EIF3A: variants seen among roughly 807,000 people sequenced by gnomAD.
EIF3A encodes the protein eukaryotic translation initiation factor 3 subunit A.
A neutral mutation model predicts 186.6 loss-of-function variants in EIF3A; 21 were observed. That is an observed-to-expected ratio of 0.11 (90% CI 0.08 to 0.16). EIF3A has a LOEUF of 0.16. Among genes scored for constraint, EIF3A ranks in the 10% least tolerant of loss-of-function variants. The pLI, the probability that EIF3A is intolerant of heterozygous loss-of-function variation, is 1.00. For missense variants in EIF3A, 1,306 were observed against 1,796.3 expected, an observed-to-expected ratio of 0.73 and a Z score of 4.93; for synonymous variants, 563 against 584.3, an observed-to-expected ratio of 0.96 and a Z score of 0.52.
At chr10:119,052,129 G>C (rs536202435) in intron 14 of EIF3A, among the ~76,000 whole-genome samples, 1 of 152,292 alleles carries the variant, frequency 6.6e-6, no homozygotes, top group Admixed American at 6.5e-5. Context: ...TTTAACTCAA[G>C]AGTAGAATTT....
At position 119,070,894 on chromosome 10, in the gene EIF3A, A is replaced by G; in HGVS notation, c.733T>C (p.Leu245=). 2 of 1,612,220 alleles carry G rather than the reference A, an allele frequency of 1.2e-6. No homozygotes were observed. The highest frequency in any genetic ancestry group is 1.7e-6 in the Non-Finnish European group (2 of 1,178,222). The part of the protein sequence containing the change: ...VQLDSAISME[L]WQEAFKAVED... Reference sequence around the variant, plus strand: ...TAATAGCTCCAACATACCTGCCACAATTCCATGCTGATAGCACTGTCCAGC... The same window carrying G: ...TAATAGCTCCAACATACCTGCCACAGTTCCATGCTGATAGCACTGTCCAGC... Residue 245 remains leucine (L), a synonymous_variant, in exon 5 of 22, where the codon TTG becomes CTG. Coordinates refer to ENST00000369144, the MANE Select transcript of EIF3A (RefSeq NM_003750.4).
Position 119,071,061 on chromosome 10 carries a change from G to A in EIF3A, c.566C>T (p.Thr189Met), listed in dbSNP as rs182093925. The A allele has an allele frequency of 1.6e-5, 26 of 1,613,640 alleles. No homozygotes were observed. Among genetic ancestry groups the A allele is most frequent in the Admixed American group, 3.3e-5 (2 of 60,008 alleles). The stretch of plus-strand genomic sequence containing the variant: ...CAGTTTACGGAATTCAGCCTTACGC[G>A]TGTATTGGAGGCAGAATTTGAAAGC... ...QQAFKFCLQYTRKAEFRKLCD... is the reference protein window; with the variant it reads ...QQAFKFCLQYMRKAEFRKLCD... Residue 189 changes from threonine (T) to methionine (M), a missense_variant, in exon 5 of 22, where the codon ACG (threonine) becomes ATG (methionine). Physicochemically the swap from Thr to Met is moderately conservative, Grantham distance 81 (BLOSUM62 -1). Coordinates refer to ENST00000369144, the MANE Select transcript of EIF3A (RefSeq NM_003750.4).
chr10:119,052,368 T>TTTTTTTTTTGTGTGTGTGTGTGTGTGTG (rs140398720), intron 14 of EIF3A, among the ~76,000 whole-genome samples: 2 of 122,972 alleles, frequency 1.6e-5, no homozygotes, highest in Admixed American at 8.5e-5. Flanking sequence ...TTTTTTGGTT[T>TTTTTTTTTTGTGTGTGTGTGTGTGTGTG]TGTGTGTGTG....
Position 119,050,563 on chromosome 10 carries a change from CTTT to C in EIF3A, c.2428_2430del (p.Lys810del). 1 of 1,614,136 alleles carries C rather than the reference CTTT, an allele frequency of 6.2e-7. No homozygotes were observed. ...TCTGCCCTTCTCTGCTCCTCCTCTT[CTTT>C]TTCTCTATAGTATGTTATCCTGCGT... On this transcript the variant is annotated inframe_deletion, in exon 16 of 22. Coordinates refer to ENST00000369144, the MANE Select transcript of EIF3A (RefSeq NM_003750.4).
Position 119,073,828 on chromosome 10 carries a change from T to C in EIF3A, c.159A>G (p.Lys53=). Residue 53 remains lysine, a synonymous_variant, in exon 2 of 22, where the codon AAA becomes AAG. Coordinates refer to ENST00000369144, the MANE Select transcript of EIF3A (RefSeq NM_003750.4). The part of the protein sequence containing the change: ...WQKIHEPIML[K]YLELCVDLRK... ...GAAGATCCACGCAAAGTTCCAAGTATTTCAACATAATTGGTTCGTGTATCT... is the reference window on the plus strand; with the variant it reads ...GAAGATCCACGCAAAGTTCCAAGTACTTCAACATAATTGGTTCGTGTATCT... 1 of 1,614,078 alleles carries C rather than the reference T, an allele frequency of 6.2e-7. No individual in the cohort carries two copies. Among genetic ancestry groups the C allele is most frequent in the Non-Finnish European group, 8.5e-7 (1 of 1,179,984 alleles).
At chr10:119,049,655 G>A (rs1848329892) in intron 17 of EIF3A, 146 bp downstream of exon 17, 1 of 671,318 alleles carries the variant, frequency 1.5e-6, no homozygotes, top group African/African-American at 1.8e-5. Flanking sequence ...AGGAGGCTGA[G>A]ACACGAGAAT....
intron 16 of EIF3A, among the ~76,000 whole-genome samples, 170 bp downstream of exon 16, chr10:119,050,351 G>C (rs1289296376): frequency 6.6e-6 from 1 of 152,180 alleles, no homozygotes; most frequent in Non-Finnish European, 1.5e-5. Flanking sequence ...AATGCTGGCA[G>C]ACGATGTAAC....
intron 1 of EIF3A, among the ~76,000 whole-genome samples, chr10:119,077,547 T>C (rs1166454816): frequency 2.0e-5 from 3 of 151,408 alleles, no homozygotes; most frequent in Non-Finnish European, 4.4e-5. Flanking sequence ...AAGAATTTAG[T>C]TCCTCCGAAT....
chr10:119,041,005 CAA>C lies in EIF3A; in HGVS notation c.3526+987_3526+988del, dbSNP rs34452005. On this transcript the variant is annotated intron_variant, in intron 19 of 21. Transcript: ENST00000369144. ...AGATGACAGAGCGAGACTCCGTCTCCAAAAAAAAAAAAAAAAAAAAAAATTAG... is the reference window on the plus strand; with the variant it reads ...AGATGACAGAGCGAGACTCCGTCTCCAAAAAAAAAAAAAAAAAAAAATTAG... 2.2e-3 allele frequency among the ~76,000 whole-genome samples: 173 copies of C among 78,702 alleles called. 2 individuals carry two copies. Among genetic ancestry groups the C allele is most frequent in the East Asian group, 0.02 (56 of 2,858 alleles). The allele number at this position is 78,702 out of a possible 152,430, so 51.6% of individuals were successfully genotyped here.
chr10:119,080,773 C>G lies in EIF3A; in HGVS notation c.-97G>C. The G allele has an allele frequency of 6.8e-7, 1 of 1,476,358 alleles. No homozygotes were observed. The highest frequency in any genetic ancestry group is 9.0e-7 in the Non-Finnish European group (1 of 1,110,196). 91.5% of individuals were successfully genotyped at this position (1,476,358 alleles called of 1,614,324 possible). A position where few individuals can be genotyped will look rare whatever the true frequency, so the allele number is the denominator to read the frequency against. On this transcript the variant is annotated 5_prime_UTR_variant, in exon 1 of 22. Transcript: ENST00000369144. ...GGGAACCAGCGTAAGGTCCCACGCG[C>G]CTCGCCAGCAGTCGCCCGCGCCCAG...
rs200680965 is a variant in EIF3A, at chr10:119,042,672, G to C, written c.2848C>G (p.Leu950Val). 6 of 1,614,168 alleles carry C rather than the reference G, an allele frequency of 3.7e-6. No individual in the cohort carries two copies. The East Asian group carries it at 1.3e-4, about 36-fold the overall frequency. Reference protein sequence around the residue: ...LGDDEDREPSLRPDDDRVPRR... With the variant: ...LGDDEDREPSVRPDDDRVPRR... ...GGAACCCGATCATCGTCTGGTCTAA[G>C]AGAGGGCTCTCTATCTTCATCATCC... The change falls in exon 19 of 22, where the codon CTT becomes GTT. Residue 950 changes from leucine to valine, a missense_variant. Physicochemically the swap from Leu to Val is conservative, Grantham distance 32 (BLOSUM62 1). This residue lies in a region of EIF3A where 410 missense variants were observed against 473.5 expected (regional missense o/e 0.87). Coordinates refer to ENST00000369144, the MANE Select transcript of EIF3A (RefSeq NM_003750.4). This position sits in a 1 kb window ranked among gnomAD's most constrained non-coding sequence, Gnocchi z 7.8.
At position 119,036,104 on chromosome 10, in the gene EIF3A, T is replaced by C; in HGVS notation, c.4084A>G (p.Arg1362Gly). 1 of 1,614,108 alleles carries C rather than the reference T, an allele frequency of 6.2e-7. No individual in the cohort carries two copies. The highest frequency in any genetic ancestry group is 2.2e-5 in the East Asian group (1 of 44,886). ...TTTTTAGTACGACGGAGAGATTCCCTATCTTTCTCAGCTCTCCATGAGGCC... is the reference window on the plus strand; with the variant it reads ...TTTTTAGTACGACGGAGAGATTCCCCATCTTTCTCAGCTCTCCATGAGGCC... ...EKASWRAEKD[R>G]ESLRRTKNET... The change falls in exon 22 of 22, where the codon AGG (arginine) becomes GGG (glycine). Residue 1362 changes from arginine to glycine, a missense_variant. This residue lies in a region of EIF3A where 331 missense variants were observed against 365.8 expected (regional missense o/e 0.90). Transcript: ENST00000369144.
At chr10:119,074,780 A>G (rs1844133557) in intron 1 of EIF3A, among the ~76,000 whole-genome samples, 1 of 151,428 alleles carries the variant, frequency 6.6e-6, no homozygotes, top group African/African-American at 2.4e-5. Context: ...CTAAAAATAC[A>G]AAATTAGCAG....
intron 5 of EIF3A, 94 bp downstream of exon 5, chr10:119,070,792 C>T (rs1013478346): frequency 9.5e-6 from 8 of 842,774 alleles, no homozygotes; most frequent in Non-Finnish European, 1.6e-5. Context: ...TTGAAATTAA[C>T]CAATGCATAC....
chr10:119,042,744 C>G lies in EIF3A; in HGVS notation c.2776G>C (p.Glu926Gln). The G allele has an allele frequency of 6.2e-7, 1 of 1,609,330 alleles. No individual in the cohort carries two copies. The highest frequency in any genetic ancestry group is 8.5e-7 in the Non-Finnish European group (1 of 1,177,614). Residue 926 changes from glutamate (E) to glutamine (Q), a missense_variant, in exon 19 of 22, where the codon GAG (glutamate) becomes CAG (glutamine). Physicochemically the swap from Glu to Gln is conservative, Grantham distance 29. This residue lies in a region of EIF3A where 410 missense variants were observed against 473.5 expected (regional missense o/e 0.87). Transcript: ENST00000369144. This position sits in a 1 kb window ranked among gnomAD's most constrained non-coding sequence, Gnocchi z 7.8. The part of the protein sequence containing the change: ...KEWRRGEGRD[E>Q]DRSHRRDEER... ...TCATCTCTTCTATGAGACCTGTCCTCATCTCGCCCTTCTCCACGTCTCCAC... is the reference window on the plus strand; with the variant it reads ...TCATCTCTTCTATGAGACCTGTCCTGATCTCGCCCTTCTCCACGTCTCCAC...
intron 17 of EIF3A, among the ~76,000 whole-genome samples, 185 bp from the exon 18 acceptor site, chr10:119,044,327 CAT>C (rs200011068): frequency 0.016 from 2,441 of 152,236 alleles, 67 homozygotes; most frequent in African/African-American, 0.056. Flanking sequence ...CTGGTAGTCT[CAT>C]ATATTGTAGG....
intron 14 of EIF3A, among the ~76,000 whole-genome samples, chr10:119,052,331 A>C (rs1348038575): frequency 7.8e-6 from 1 of 127,782 alleles, no homozygotes; most frequent in Non-Finnish European, 1.8e-5. Flanking sequence ...GATTGCAGCA[A>C]TTCAGTCACA....
chr10:119,053,485 G>A (rs1254253400), intron 14 of EIF3A, among the ~76,000 whole-genome samples: 2 of 150,800 alleles, frequency 1.3e-5, no homozygotes, highest in Non-Finnish European at 2.9e-5. Flanking sequence ...GCTGAAGCAG[G>A]CAGACTGCTT....
chr10:119,065,646 C>A, intron 6 of EIF3A, 76 bp from the exon 7 acceptor site: 1 of 1,091,286 alleles, frequency 9.2e-7, no homozygotes, highest in South Asian at 1.4e-5. Context: ...TCTCTTTAAT[C>A]TTACGGTAAG....
Sources: allele counts gnomAD v4.1 joint callset (sites outside exome capture counted in the v4.1 genomes callset), GRCh38; gene constraint gnomAD v4.1.1; regional missense constraint gnomAD v4.1.1; non-coding constraint Gnocchi (gnomAD v3.1); transcripts MANE v1.5; gene names NCBI Gene and HGNC (gene_info 2026-07-23, HGNC 2026-07-21).